ZSCAN4: variants seen among roughly 807,000 people sequenced by gnomAD.
The protein encoded by ZSCAN4 is zinc finger and SCAN domain-containing protein 4.
ZSCAN4 carries 18 observed loss-of-function variants against 18.3 expected under a neutral mutation model. The ratio of observed to expected loss-of-function variants is 0.98; its 90% CI spans 0.68 to 1.46. ZSCAN4 has a LOEUF of 1.46. Among genes scored for constraint, ZSCAN4 ranks in the 40% most tolerant of loss-of-function variants. The pLI, the probability that ZSCAN4 is intolerant of heterozygous loss-of-function variation, is 0.00. For missense variants in ZSCAN4, 498 were observed against 511.4 expected (o/e 0.97, Z 0.25); for synonymous variants, 193 against 180.3 (o/e 1.07, Z -0.57).
exon 3 of ZSCAN4, chr19:57,676,171 T>C (rs1314950268): frequency 1.2e-6 from 2 of 1,612,466 alleles, no homozygotes; most frequent in Middle Eastern, 1.6e-4. Context: ...AGAACCATAT[T>C]TCAGTGTGAA....
exon 3 of ZSCAN4, chr19:57,676,165 C>T (rs1370021057): frequency 1.9e-6 from 3 of 1,611,648 alleles, no homozygotes; most frequent in East Asian, 2.2e-5. Context: ...GATCTAAGAA[C>T]CATATTTCAG....
At position 57,675,707 on chromosome 19, in the gene ZSCAN4, C is replaced by T. The variant is rs180814096; in HGVS notation, c.-105-334C>T. Among the ~76,000 whole-genome samples the T allele has an allele frequency of 1.5e-4, 23 of 152,264 alleles. No homozygotes were observed. In the East Asian group the frequency reaches 1.9e-3, roughly 13 times the overall value. On this transcript the variant is annotated intron_variant, in intron 2 of 4. Transcript: ENST00000318203. Reference sequence around the variant, plus strand: ...TGTTCTTGTATCCATATCCCGTTAACGAAGTAAATTGCATTGATTTTTGAA... The same window carrying T: ...TGTTCTTGTATCCATATCCCGTTAATGAAGTAAATTGCATTGATTTTTGAA...
At chr19:57,678,752 G>T in exon 5 of ZSCAN4, 2 of 1,614,006 alleles carry the variant, frequency 1.2e-6, no homozygotes, top group Non-Finnish European at 1.7e-6. Context: ...AAACCAACCT[G>T]CGGTCTCATG....
At chr19:57,674,383 C>T (rs910860518) in intron 2 of ZSCAN4, among the ~76,000 whole-genome samples, 2 of 152,154 alleles carry the variant, frequency 1.3e-5, no homozygotes, top group Non-Finnish European at 2.9e-5. Flanking sequence ...TCCATGTGTA[C>T]CCACTGTTTA....
chr19:57,674,951 A>G lies in ZSCAN4; in HGVS notation c.-105-1090A>G, dbSNP rs1204036214. ...AACTACTTTATAAAATATTTTTCAC[A>G]TCAAGTTTTTTTTTTTTTTTTTTTT... On this transcript the variant is annotated intron_variant, in intron 2 of 4. Transcript: ENST00000318203. Among the ~76,000 whole-genome samples the G allele has an allele frequency of 2.1e-5, 3 of 140,420 alleles. No individual in the cohort carries two copies. The South Asian group carries it at 6.5e-4, about 31-fold the overall frequency. 92.1% of individuals were successfully genotyped at this position (140,420 alleles called of 152,430 possible).
chr19:57,654,011 G>T, the ZSCAN4 span, among the ~76,000 whole-genome samples: 5 of 152,198 alleles, frequency 3.3e-5, no homozygotes, highest in South Asian at 1.0e-3. Context: ...AGAACGCAGG[G>T]TAACACTGTC....
exon 1 of ZSCAN4, chr19:57,669,044 G>A (rs1248352813): frequency 7.1e-6 from 1 of 141,184 alleles, no homozygotes. Flanking sequence ...ACTAACGTTT[G>A]TCTTTATATT....
chr19:57,674,552 T>G (rs968343473), intron 2 of ZSCAN4, among the ~76,000 whole-genome samples: 1 of 152,216 alleles, frequency 6.6e-6, no homozygotes, highest in Non-Finnish European at 1.5e-5. Context: ...TTTCACATTT[T>G]CTTTATCCAG....
the ZSCAN4 span, among the ~76,000 whole-genome samples, chr19:57,652,578 C>T: frequency 6.6e-6 from 1 of 152,132 alleles, no homozygotes; most frequent in African/African-American, 2.4e-5. Flanking sequence ...CCTCCTCCTT[C>T]TCCTTTGGTT....
chr19:57,666,574 CAA>C (rs10553956), upstream of ZSCAN4, among the ~76,000 whole-genome samples: 50,261 of 141,094 alleles, frequency 0.36, 8,775 homozygotes, highest in Middle Eastern at 0.41. Context: ...TATTTTTTCT[CAA>C]AAAAAAAAAA....
chr19:57,667,021 G>A (rs972990619), upstream of ZSCAN4, among the ~76,000 whole-genome samples: 3 of 152,128 alleles, frequency 2.0e-5, no homozygotes, highest in African/African-American at 4.8e-5. Flanking sequence ...ATACTCACCA[G>A]ACACAAGTTG....
rs774825174 is a variant in ZSCAN4, at chr19:57,676,161, A to G, written c.16A>G (p.Arg6Gly). The G allele has an allele frequency of 1.9e-6, 3 of 1,610,438 alleles. 1 individual carries two copies. The South Asian group carries it at 3.3e-5, about 18-fold the overall frequency. The change falls in exon 3 of 5, where the codon AGA (arginine) becomes GGA (glycine). Residue 6 changes from arginine (R) to glycine (G), a missense_variant. By Grantham distance (125) the Arg-to-Gly change is moderately radical. Transcript: ENST00000318203. ...ATTGCTAAGAATGGCTTTAGATCTAAGAACCATATTTCAGTGTGAACCATC... is the reference window on the plus strand; with the variant it reads ...ATTGCTAAGAATGGCTTTAGATCTAGGAACCATATTTCAGTGTGAACCATC...
At chr19:57,678,389 T>C in exon 5 of ZSCAN4, 1 of 1,614,144 alleles carries the variant, frequency 6.2e-7, no homozygotes, top group Non-Finnish European at 8.5e-7. Flanking sequence ...ATGGAATCAC[T>C]TTCCAAGGTG....
chr19:57,678,841 G>A lies in ZSCAN4; in HGVS notation c.1238G>A (p.Arg413His), dbSNP rs766915632. 5.6e-6 allele frequency: 9 copies of A among 1,613,584 alleles called. No individual in the cohort carries two copies. In the East Asian group the frequency reaches 8.9e-5, roughly 16 times the overall value. The change falls in exon 5 of 5, where the codon CGC becomes CAC. Residue 413 changes from arginine (R) to histidine (H), a missense_variant. Transcript: ENST00000318203. ...TACCGCCAGTCATCCACATACCACC[G>A]CCATATGAGGACTCATGAGAAAATT...
intron 2 of ZSCAN4, among the ~76,000 whole-genome samples, chr19:57,674,274 A>C (rs1254977310): frequency 6.6e-6 from 1 of 152,210 alleles, no homozygotes; most frequent in Non-Finnish European, 1.5e-5. Flanking sequence ...CCTATTACTT[A>C]AATAGTGAAC....
the ZSCAN4 span, among the ~76,000 whole-genome samples, chr19:57,652,804 T>A: frequency 1.9e-4 from 29 of 152,166 alleles, no homozygotes; most frequent in African/African-American, 6.8e-4. Context: ...TCTTCCAAAT[T>A]GAAAAGAGAC....
chr19:57,673,778 C>T (rs1463174044), intron 2 of ZSCAN4, among the ~76,000 whole-genome samples: 1 of 151,870 alleles, frequency 6.6e-6, no homozygotes, highest in East Asian at 1.9e-4. Context: ...ATTATTGAGA[C>T]AGAGTTTCTG....
exon 5 of ZSCAN4, chr19:57,678,991 C>CAGGAGATTATA: frequency 3.7e-6 from 5 of 1,368,668 alleles, no homozygotes; most frequent in African/African-American, 1.5e-5. Context: ...AAGATATAAT[C>CAGGAGATTATA]TCCTGATTAT....
intron 2 of ZSCAN4, among the ~76,000 whole-genome samples, chr19:57,672,529 C>CTA: frequency 6.6e-6 from 1 of 151,812 alleles, no homozygotes; most frequent in African/African-American, 2.4e-5. Flanking sequence ...ACTTCTCTCT[C>CTA]TATATATATG....
Sources: allele counts gnomAD v4.1 joint callset (sites outside exome capture counted in the v4.1 genomes callset), GRCh38; gene constraint gnomAD v4.1.1; transcripts MANE v1.5; gene names NCBI Gene and HGNC (gene_info 2026-07-23, HGNC 2026-07-21).